The following BRD3 variants were observed in gnomAD, a reference collection of about 807,000 sequenced individuals.
BRD3 encodes bromodomain containing 3.
A neutral mutation model predicts 66.8 loss-of-function variants in BRD3; 17 were observed. That is an observed-to-expected ratio of 0.25 (90% CI 0.17 to 0.38). The LOEUF is 0.38. Among genes scored for constraint, BRD3 ranks in the 10% least tolerant of loss-of-function variants. The probability of loss-of-function intolerance (pLI) is 1.00; values close to 1 mark genes in which losing one functional copy is unlikely to be tolerated. For missense variants in BRD3, 713 were observed against 956.1 expected (o/e 0.75, Z 3.35); for synonymous variants, 421 against 393.2 (o/e 1.07, Z -0.84).
rs775918544 is a variant in BRD3 at position 134,045,391 on chromosome 9, C to T, written c.1117G>A (p.Ala373Thr). 1.3e-5 allele frequency: 21 copies of T among 1,613,520 alleles called. No homozygotes were observed. The highest frequency in any genetic ancestry group is 1.7e-5 in the Admixed American group (1 of 59,998). ...RKMDGREYPD[A>T]QGFAADVRLM... ...CGGACATCAGCAGCAAAGCCCTGTG[C>T]GTCTGGGTACTCTCGGCCATCCATC... The change falls in exon 7 of 12, where the codon GCA becomes ACA. Residue 373 changes from alanine to threonine, a missense_variant. By Grantham distance (58) the Ala-to-Thr change is moderately conservative (BLOSUM62 0). Around this residue, in one of 5 missense-constraint regions of BRD3, gnomAD observed 418 missense variants for 609.3 expected, o/e 0.69. Coordinates refer to ENST00000303407, the MANE Select transcript of BRD3 (RefSeq NM_007371.4). This position sits in a 1 kb window ranked among gnomAD's most constrained non-coding sequence, Gnocchi z 4.8.
rs1346267652 is a variant in BRD3 at position 134,033,256 on chromosome 9, G to C, written c.*334C>G. ...TTTCTCGAGCTATCGACCAGGTTGG[G>C]CCTAAGCAAAGGGATTCCACAAGGT... On this transcript the variant is annotated 3_prime_UTR_variant, in exon 12 of 12. Transcript: ENST00000303407. The surrounding 1 kb of genome is among the most constrained non-coding windows in gnomAD (Gnocchi z 5.1). 4.8e-6 allele frequency: 2 copies of C among 414,190 alleles called. No homozygotes were observed. The highest frequency in any genetic ancestry group is 8.5e-6 in the Non-Finnish European group (2 of 235,462). 25.7% of individuals were successfully genotyped at this position (414,190 alleles called of 1,614,324 possible).
chr9:134,052,044 C>A (rs1171561389), intron 3 of BRD3, among the ~76,000 whole-genome samples: 1 of 152,034 alleles, frequency 6.6e-6, no homozygotes, highest in Non-Finnish European at 1.5e-5. Flanking sequence ...GTGCCTGCCA[C>A]CACACCTGGC....
In BRD3 at chr9:134,065,897, A is replaced by T. The variant is rs148376179; in HGVS notation, c.-114+2048T>A. Among the ~76,000 whole-genome samples the T allele has an allele frequency of 6.4e-3, 982 of 152,302 alleles. 11 individuals carry two copies. The highest frequency in any genetic ancestry group is 0.022 in the African/African-American group (922 of 41,558). ...AGAGGAAGGTAGCACCGGCTGCAGC[A>T]GGCCTGGCTGCTTCGCTCTGCACAC... On this transcript the variant is annotated intron_variant, in intron 1 of 11. Coordinates refer to ENST00000303407, the MANE Select transcript of BRD3 (RefSeq NM_007371.4).
intron 1 of BRD3, among the ~76,000 whole-genome samples, chr9:134,063,014 G>C (rs112039680): frequency 6.6e-6 from 1 of 152,158 alleles, no homozygotes; most frequent in South Asian, 2.1e-4. Context: ...CCTCTCAGCC[G>C]GCCTGACAAG....
At chr9:134,034,160 G>T (rs934273211) in intron 11 of BRD3, among the ~76,000 whole-genome samples, 3 of 152,226 alleles carry the variant, frequency 2.0e-5, no homozygotes, top group Non-Finnish European at 4.4e-5. Context: ...CTCCAGTCCA[G>T]ATAGGACCCT....
At chr9:134,065,033 C>A (rs1251329735) in intron 1 of BRD3, among the ~76,000 whole-genome samples, 1 of 152,224 alleles carries the variant, frequency 6.6e-6, no homozygotes, top group African/African-American at 2.4e-5. Flanking sequence ...CAAGGCAGAC[C>A]CGCAAGTTCC....
rs1843525566 is a variant in BRD3, at chr9:134,032,474, A to C, written c.*1116T>G. ...AAAAAAAAAAAACCACAAAGAAAAA[A>C]ACCAAAAAACCCAACAAACCCAGGG... On this transcript the variant is annotated 3_prime_UTR_variant, in exon 12 of 12. Coordinates refer to ENST00000303407, the MANE Select transcript of BRD3 (RefSeq NM_007371.4). 1 of 227,800 alleles carries C rather than the reference A, an allele frequency of 4.4e-6. No individual in the cohort carries two copies. The highest frequency in any genetic ancestry group is 1.8e-4 in the South Asian group (1 of 5,490). 14.1% of individuals were successfully genotyped at this position (227,800 alleles called of 1,614,324 possible). A position where few individuals can be genotyped will look rare whatever the true frequency, so the allele number is the denominator to read the frequency against.
At chr9:134,053,729 C>T in intron 1 of BRD3, 139 bp from the exon 2 acceptor site, 1 of 719,072 alleles carries the variant, frequency 1.4e-6, no homozygotes, top group Non-Finnish European at 2.1e-6. Context: ...ATTGCCCAGC[C>T]ACCCAGGTGA....
At chr9:134,034,596 G>T in intron 11 of BRD3, 105 bp downstream of exon 11, 1 of 1,461,252 alleles carries the variant, frequency 6.8e-7, no homozygotes, top group Non-Finnish European at 9.2e-7. Context: ...GAGCTCATCA[G>T]GAGGTAAGCC....
At chr9:134,061,172 A>C (rs1394791047) in intron 1 of BRD3, among the ~76,000 whole-genome samples, 2 of 152,216 alleles carry the variant, frequency 1.3e-5, no homozygotes, top group Non-Finnish European at 2.9e-5. Context: ...ACAGCAGCCT[A>C]GCCTTCAGGC....
intron 5 of BRD3, among the ~76,000 whole-genome samples, chr9:134,049,502 C>G (rs1485510161): frequency 6.6e-6 from 1 of 152,220 alleles, no homozygotes; most frequent in Non-Finnish European, 1.5e-5. Context: ...CTGCCAAGCG[C>G]CAGGCGCGTG....
intron 1 of BRD3, chr9:134,055,656 G>GTGC (rs1830406278): frequency 6.5e-6 from 1 of 152,734 alleles, no homozygotes; most frequent in African/African-American, 2.4e-5. Context: ...GGCCCAGGCT[G>GTGC]TGCTGCTGCT....
chr9:134,034,422 C>G, intron 11 of BRD3: 1 of 410,012 alleles, frequency 2.4e-6, no homozygotes, highest in Non-Finnish European at 4.5e-6. Flanking sequence ...TCCAGCCCCA[C>G]AAGAGCCCTC....
In BRD3 at chr9:134,041,783, T is replaced by C. The variant is rs758383101; in HGVS notation, c.1384A>G (p.Arg462Gly). The C allele has an allele frequency of 6.2e-7, 1 of 1,611,660 alleles. No homozygotes were observed. Among genetic ancestry groups the C allele is most frequent in the Non-Finnish European group, 8.5e-7 (1 of 1,179,792 alleles). ...SSDSEEERAT[R>G]LAELQEQLKA... is the part of the protein sequence containing the mutation. ...ACCTGCTCCTGCAGCTCCGCCAGCC[T>C]GGTGGCCCGCTCCTCCTCCGAGTCC... Residue 462 changes from arginine (R) to glycine (G), a missense_variant, in exon 8 of 12, where the codon AGG becomes GGG. By Grantham distance (125) the Arg-to-Gly change is moderately radical (BLOSUM62 -2). Coordinates refer to ENST00000303407, the MANE Select transcript of BRD3 (RefSeq NM_007371.4).
At chr9:134,063,849 G>A (rs1303946848) in intron 1 of BRD3, among the ~76,000 whole-genome samples, 1 of 152,184 alleles carries the variant, frequency 6.6e-6, no homozygotes, top group Non-Finnish European at 1.5e-5. Flanking sequence ...TCCAGCCGGC[G>A]ACTCCTGAAC....
Position 134,036,083 on chromosome 9 carries a change from G to A in BRD3, c.1885C>T (p.Leu629=). 1 of 1,614,102 alleles carries A rather than the reference G, an allele frequency of 6.2e-7. No homozygotes were observed. The highest frequency in any genetic ancestry group is 1.1e-5 in the South Asian group (1 of 91,080). ...AAACAAGACTTGACATATCTCTCCA[G>A]TTCCCGCAAAGTGGTGGGTTTCAGA... ...ETLKPTTLRE[L]ERYVKSCLQK... is the part of the protein sequence containing the mutation. The change falls in exon 10 of 12, where the codon CTG becomes TTG. Residue 629 remains leucine, a synonymous_variant. Transcript: ENST00000303407.
At position 134,050,409 on chromosome 9, in the gene BRD3, C is replaced by A; in HGVS notation, c.679G>T (p.Val227Phe). 1 of 1,611,934 alleles carries A rather than the reference C, an allele frequency of 6.2e-7. No homozygotes were observed. Among genetic ancestry groups the A allele is most frequent in the Non-Finnish European group, 8.5e-7 (1 of 1,179,554 alleles). The change falls in exon 5 of 12, where the codon GTC (valine) becomes TTC (phenylalanine). Residue 227 changes from valine (V) to phenylalanine (F), a missense_variant. This residue lies in a region of BRD3 where 120 missense variants were observed against 122.8 expected (regional missense o/e 0.98). Transcript: ENST00000303407. ...GGCGGCGTAGGAGGGACCACGGGGA[C>A]GATGGGTGTGGCAGGAGGAGGTGGG... Reference protein sequence around the residue: ...AAPPPPATPIVPVVPPTPPVV... With the variant: ...AAPPPPATPIFPVVPPTPPVV...
At chr9:134,066,231 G>A (rs919090036) in intron 1 of BRD3, among the ~76,000 whole-genome samples, 2 of 152,154 alleles carry the variant, frequency 1.3e-5, no homozygotes, top group African/African-American at 4.8e-5. Flanking sequence ...CTACCCGGAA[G>A]GTCAGAAAGA....
intron 7 of BRD3, among the ~76,000 whole-genome samples, chr9:134,042,702 C>CAT (rs1009105269): frequency 3.5e-5 from 3 of 86,640 alleles, no homozygotes; most frequent in Admixed American, 1.3e-4. Flanking sequence ...TATACACACA[C>CAT]ATATATATAC....
Sources: allele counts gnomAD v4.1 joint callset (sites outside exome capture counted in the v4.1 genomes callset), GRCh38; gene constraint gnomAD v4.1.1; regional missense constraint gnomAD v4.1.1; non-coding constraint Gnocchi (gnomAD v3.1); transcripts MANE v1.5; gene names NCBI Gene and HGNC (gene_info 2026-07-23, HGNC 2026-07-21).